The following GATAD2A variants were observed in gnomAD, a reference collection of about 807,000 sequenced individuals.
GATAD2A encodes the protein transcriptional repressor p66-alpha.
GATAD2A carries 12 observed loss-of-function variants against 68.5 expected under a neutral mutation model. The observed-to-expected ratio is 0.18, with a 90% CI of 0.11 to 0.28. GATAD2A has a LOEUF of 0.28. Ranked by LOEUF, GATAD2A falls within the 10% of genes least tolerant of loss-of-function variation. The pLI, the probability that GATAD2A is intolerant of heterozygous loss-of-function variation, is 1.00. For synonymous variants in GATAD2A, 410 were observed against 375.3 expected (o/e 1.09, Z -1.07); for missense variants, 755 against 868.5 (o/e 0.87, Z 1.64).
chr19:19,500,511 A>G (rs1019298488), intron 8 of GATAD2A, among the ~76,000 whole-genome samples: 3 of 152,248 alleles, frequency 2.0e-5, no homozygotes, highest in East Asian at 1.9e-4. Context: ...TGCTTCATGT[A>G]CACTTCCCCA....
chr19:19,449,471 C>T (rs1405675151), intron 1 of GATAD2A, among the ~76,000 whole-genome samples: 1 of 152,016 alleles, frequency 6.6e-6, no homozygotes, highest in Non-Finnish European at 1.5e-5. Flanking sequence ...ACTACATGCA[C>T]ACATGCCACG....
chr19:19,492,727 C>G lies in GATAD2A; in HGVS notation c.534+15C>G. ...CCGCCCAGAAGGTGCGTGCCTGTCT[C>G]CCCTCCTTCCTGGGCCAGCAGGAGC... is the stretch of plus-strand genomic sequence containing the variant. On this transcript the variant is annotated intron_variant, in intron 4 of 11. Transcript: ENST00000683918. 2 of 1,613,696 alleles carry G rather than the reference C, an allele frequency of 1.2e-6. No homozygotes were observed. The highest frequency in any genetic ancestry group is 1.7e-6 in the Non-Finnish European group (2 of 1,179,764).
intron 1 of GATAD2A, among the ~76,000 whole-genome samples, chr19:19,439,871 CAAAA>C (rs1028147424): frequency 6.6e-6 from 1 of 151,922 alleles, no homozygotes; most frequent in Admixed American, 6.6e-5. Flanking sequence ...ACAAAAAACA[CAAAA>C]AAGCAAAAAG....
intron 1 of GATAD2A, chr19:19,435,992 G>A (rs1005761745): frequency 2.6e-6 from 1 of 382,062 alleles, no homozygotes; most frequent in Non-Finnish European, 5.3e-6. Context: ...CCCCATTGTG[G>A]AAGGTAGCTG....
In GATAD2A at chr19:19,505,213, T is replaced by TGGGC. The variant is rs936607001; in HGVS notation, c.1775-128_1775-127insCGGG. On this transcript the variant is annotated intron_variant, in intron 11 of 11. Transcript: ENST00000683918. ...TTGAAACGTTGATTGAGGAGTAGTG[T>TGGGC]GGGTGGGTTTGCAAGGGCTCCTGGG... 8.6e-5 allele frequency: 64 copies of TGGGC among 740,420 alleles called. 1 individual carries two copies. The East Asian group carries it at 1.2e-3, about 14-fold the overall frequency. The allele number at this position is 740,420 out of a possible 1,614,324, so 45.9% of individuals were successfully genotyped here.
At chr19:19,441,529 T>C (rs1371917227) in intron 1 of GATAD2A, among the ~76,000 whole-genome samples, 2 of 151,888 alleles carry the variant, frequency 1.3e-5, no homozygotes, top group African/African-American at 4.8e-5. Context: ...TGCACCACCA[T>C]GTCCAGCAAA....
intron 1 of GATAD2A, among the ~76,000 whole-genome samples, chr19:19,439,416 C>T (rs183674194): frequency 7.8e-4 from 119 of 152,248 alleles, no homozygotes; most frequent in African/African-American, 2.8e-3. Context: ...GAATCCTGCA[C>T]GTTGGAGCAC....
intron 1 of GATAD2A, among the ~76,000 whole-genome samples, chr19:19,461,369 G>A (rs1212977180): frequency 1.3e-5 from 2 of 152,190 alleles, no homozygotes; most frequent in Non-Finnish European, 2.9e-5. Context: ...ATCAAGAGAT[G>A]CGTACTGGCC....
rs545707849 is a variant in GATAD2A, at chr19:19,436,267, C to G, written c.-6-29073C>G. The G allele has an allele frequency of 3.7e-3, 3,859 of 1,031,064 alleles. 21 individuals carry two copies. The highest frequency in any genetic ancestry group is 4.3e-3 in the Non-Finnish European group (3,059 of 715,476). The allele number at this position is 1,031,064 out of a possible 1,614,324, so 63.9% of individuals were successfully genotyped here. A position where few individuals can be genotyped will look rare whatever the true frequency, so the allele number is the denominator to read the frequency against. On this transcript the variant is annotated intron_variant, in intron 1 of 11. Transcript: ENST00000683918. ...CTGTGGAAGGAAGGTTCCACGCATC[C>G]AGCAGGCTTCGGTCAGCTTCTTGGA...
chr19:19,491,046 T>C (rs1343347909), intron 2 of GATAD2A, among the ~76,000 whole-genome samples: 1 of 152,160 alleles, frequency 6.6e-6, no homozygotes, highest in Non-Finnish European at 1.5e-5. Flanking sequence ...CCTTCAGTAG[T>C]GTCAGCTGTA....
chr19:19,387,849 C>A (rs1441463842), intron 1 of GATAD2A, among the ~76,000 whole-genome samples: 1 of 152,138 alleles, frequency 6.6e-6, no homozygotes, highest in Non-Finnish European at 1.5e-5. Flanking sequence ...CCTGTAGGCT[C>A]CTCACATCTC....
chr19:19,420,005 CTTTTTTTT>C (rs397859927), intron 1 of GATAD2A, among the ~76,000 whole-genome samples: 2 of 68,696 alleles, frequency 2.9e-5, no homozygotes, highest in South Asian at 5.5e-4. Flanking sequence ...ACCATCTTGA[CTTTTTTTT>C]TTTTTTTTTT....
intron 1 of GATAD2A, among the ~76,000 whole-genome samples, chr19:19,451,330 G>A (rs759566399): frequency 1.1e-4 from 16 of 152,138 alleles, no homozygotes; most frequent in Non-Finnish European, 2.1e-4. Flanking sequence ...GCAGTGAGCC[G>A]AGATCACGCC....
At chr19:19,421,405 C>G (rs1313155017) in intron 1 of GATAD2A, among the ~76,000 whole-genome samples, 2 of 152,166 alleles carry the variant, frequency 1.3e-5, no homozygotes, top group Non-Finnish European at 2.9e-5. Context: ...CCTGTCCATA[C>G]CAGTTTCCCA....
chr19:19,418,324 C>T (rs886801007), intron 1 of GATAD2A, among the ~76,000 whole-genome samples: 13 of 152,284 alleles, frequency 8.5e-5, no homozygotes, highest in African/African-American at 2.9e-4. Flanking sequence ...TCGTGTGTCC[C>T]CCTCTCCAAA....
At chr19:19,475,160 G>C (rs2148161058) in intron 2 of GATAD2A, among the ~76,000 whole-genome samples, 1 of 152,356 alleles carries the variant, frequency 6.6e-6, no homozygotes, top group Non-Finnish European at 1.5e-5. Context: ...GCTGCTCCCG[G>C]CCCGCCGGCC....
upstream of GATAD2A, chr19:19,402,283 C>T (rs1369411536): frequency 6.6e-6 from 1 of 151,994 alleles, no homozygotes; most frequent in Non-Finnish European, 1.5e-5. Context: ...GTTTCAAATT[C>T]TTGGCCTCAA....
intron 1 of GATAD2A, among the ~76,000 whole-genome samples, chr19:19,427,118 G>T (rs937516610): frequency 2.0e-5 from 3 of 151,612 alleles, no homozygotes; most frequent in East Asian, 1.9e-4. Flanking sequence ...AAGAAGGGGG[G>T]TTGCCAGGGG....
At chr19:19,441,357 A>G (rs1005865955) in intron 1 of GATAD2A, among the ~76,000 whole-genome samples, 5 of 152,054 alleles carry the variant, frequency 3.3e-5, no homozygotes, top group Non-Finnish European at 7.4e-5. Flanking sequence ...ACAAAAGGAA[A>G]ATGCAATAAA....
Sources: allele counts gnomAD v4.1 joint callset (sites outside exome capture counted in the v4.1 genomes callset), GRCh38; gene constraint gnomAD v4.1.1; transcripts MANE v1.5; gene names NCBI Gene and HGNC (gene_info 2026-07-23, HGNC 2026-07-21).